The following AFF1 variants were observed in gnomAD, a reference collection of about 807,000 sequenced individuals.
AFF1 encodes the protein AF4/FMR2 family member 1.
Under a neutral mutation model 121.7 loss-of-function variants are expected in AFF1, and 48 were observed. The ratio of observed to expected loss-of-function variants is 0.39; its 90% confidence interval spans 0.31 to 0.50. AFF1 has a LOEUF of 0.50. Ranked by LOEUF, AFF1 falls within the 20% of genes least tolerant of loss-of-function variation. The pLI is 0.76. For synonymous variants in AFF1, 613 were observed against 563.0 expected (o/e 1.09, Z -1.26); for missense variants, 1,523 against 1,511.7 (o/e 1.01, Z -0.12).
intron 7 of AFF1, 82 bp downstream of exon 7, chr4:87,091,911 T>C (rs374606548): frequency 7.7e-6 from 8 of 1,044,046 alleles, no homozygotes; most frequent in Middle Eastern, 2.0e-4. Context: ...TAGTAAAAAA[T>C]GCCCCAGCAG....
intron 2 of AFF1, among the ~76,000 whole-genome samples, chr4:86,965,133 GA>G (rs1177197292): frequency 6.6e-6 from 1 of 152,188 alleles, no homozygotes; most frequent in Non-Finnish European, 1.5e-5. Context: ...GTGTTGCTGT[GA>G]AAGTCTGTAA....
At chr4:87,019,884 CG>C (rs34782951) in intron 2 of AFF1, among the ~76,000 whole-genome samples, 11 of 82,600 alleles carry the variant, frequency 1.3e-4, no homozygotes, top group African/African-American at 4.3e-4. Flanking sequence ...CTGAAGGGGT[CG>C]GGGGGGGGCA....
intron 1 of AFF1, chr4:86,936,175 C>T (rs1719976215): frequency 6.6e-6 from 1 of 152,196 alleles, no homozygotes; most frequent in Non-Finnish European, 1.5e-5. Flanking sequence ...GAACCAGTCT[C>T]TGTTAGGGGG....
chr4:87,099,099 A>G (rs1725164041), intron 8 of AFF1, among the ~76,000 whole-genome samples: 1 of 152,208 alleles, frequency 6.6e-6, no homozygotes, highest in Non-Finnish European at 1.5e-5. Context: ...TGCTTAGCCT[A>G]AGGAAATTAA....
At chr4:87,008,201 C>T (rs1726366566) in intron 2 of AFF1, among the ~76,000 whole-genome samples, 1 of 152,198 alleles carries the variant, frequency 6.6e-6, no homozygotes, top group African/African-American at 2.4e-5. Context: ...TATACATTCT[C>T]TTTCAACTGT....
chr4:87,079,713 G>T (rs1329022499), intron 4 of AFF1, among the ~76,000 whole-genome samples: 1 of 152,088 alleles, frequency 6.6e-6, no homozygotes. Context: ...CAGTCTCCTC[G>T]TTTTATTTTT....
chr4:87,007,965 G>T (rs1005750698), intron 2 of AFF1, among the ~76,000 whole-genome samples: 5 of 152,160 alleles, frequency 3.3e-5, no homozygotes, highest in Non-Finnish European at 7.3e-5. Flanking sequence ...GGAACGCGCC[G>T]GGGTGGTGAA....
chr4:87,114,479 C>T lies in AFF1; in HGVS notation c.1646C>T (p.Pro549Leu), dbSNP rs1225809218. The T allele has an allele frequency of 6.2e-7, 1 of 1,613,810 alleles. No homozygotes were observed. Among genetic ancestry groups the T allele is most frequent in the Admixed American group, 1.7e-5 (1 of 60,018 alleles). Residue 549 changes from proline (P) to leucine (L), a missense_variant, in exon 12 of 21, where the codon CCA becomes CTA. Coordinates refer to ENST00000395146, the MANE Select transcript of AFF1 (RefSeq NM_001166693.3). ...AGCACAGAGCCCCCACGGCGGCACC[C>T]AGAGAGTAAGGGCAGCAGCGACAGT... is the stretch of plus-strand genomic sequence containing the variant. Reference protein sequence around the residue: ...PRSTEPPRRHPESKGSSDSAT... With the variant: ...PRSTEPPRRHLESKGSSDSAT...
rs1437336249 is a variant in AFF1 at position 87,128,374 on chromosome 4, T to G, written c.2964+671T>G. Among the ~76,000 whole-genome samples, 4 of 152,240 alleles carry G rather than the reference T, an allele frequency of 2.6e-5. No individual in the cohort carries two copies. In the East Asian group the frequency reaches 7.7e-4, roughly 29 times the overall value. ...TTGTGTACATAATTATGCTTTTACATCACTACTGCAATAATGAGATAATGT... is the reference window on the plus strand; with the variant it reads ...TTGTGTACATAATTATGCTTTTACAGCACTACTGCAATAATGAGATAATGT... On this transcript the variant is annotated intron_variant, in intron 16 of 20. Transcript: ENST00000395146.
intron 4 of AFF1, 117 bp downstream of exon 4, chr4:87,047,711 A>C: frequency 7.4e-7 from 1 of 1,358,198 alleles, no homozygotes; most frequent in African/African-American, 1.4e-5. Flanking sequence ...GGTAGGGGGA[A>C]TTCTTTTTGG....
chr4:86,952,554 G>A (rs1721424932), intron 2 of AFF1, among the ~76,000 whole-genome samples: 1 of 151,998 alleles, frequency 6.6e-6, no homozygotes, highest in Non-Finnish European at 1.5e-5. Flanking sequence ...CACAGCATGT[G>A]TATACAACCT....
In AFF1 at chr4:87,047,573, G is replaced by A; in HGVS notation, c.1038G>A (p.Lys346=). The A allele has an allele frequency of 6.2e-7, 1 of 1,614,200 alleles. No individual in the cohort carries two copies. Among genetic ancestry groups the A allele is most frequent in the Non-Finnish European group, 8.5e-7 (1 of 1,180,034 alleles). The part of the protein sequence containing the change: ...VPAKAKLTKL[K]MPSQSVEQTY... Reference sequence around the variant, plus strand: ...CCAAAGCCAAGCTCACCAAACTGAAGATGCCTTCTCAGTCAGTTGAGGTGT... The same window carrying A: ...CCAAAGCCAAGCTCACCAAACTGAAAATGCCTTCTCAGTCAGTTGAGGTGT... The change falls in exon 4 of 21, where the codon AAG becomes AAA. Residue 346 remains lysine (K), a synonymous_variant. Coordinates refer to ENST00000395146, the MANE Select transcript of AFF1 (RefSeq NM_001166693.3).
At chr4:86,994,008 TTCAGGAAA>T (rs1724922094) in intron 2 of AFF1, among the ~76,000 whole-genome samples, 2 of 152,288 alleles carry the variant, frequency 1.3e-5, no homozygotes, top group African/African-American at 4.8e-5. Flanking sequence ...CAGATTCTGA[TTCAGGAAA>T]TCTGGGATGG....
chr4:87,138,126 G>A lies in AFF1; in HGVS notation c.*2425G>A, dbSNP rs1729445935. On this transcript the variant is annotated 3_prime_UTR_variant, in exon 21 of 21. Transcript: ENST00000395146. ...TCAATTTGTACTACTTTGGTCATTG[G>A]ATATTTCTGATCCTTATTGCATTGT... The A allele has an allele frequency of 4.3e-6, 1 of 231,346 alleles. No individual in the cohort carries two copies. 14.3% of individuals were successfully genotyped at this position (231,346 alleles called of 1,614,324 possible). A position where few individuals can be genotyped will look rare whatever the true frequency, so the allele number is the denominator to read the frequency against.
In AFF1 at chr4:87,069,951, G is replaced by T. The variant is rs575038404; in HGVS notation, c.1060-14169G>T. Among the ~76,000 whole-genome samples, 5 of 151,912 alleles carry T rather than the reference G, an allele frequency of 3.3e-5. No homozygotes were observed. In the East Asian group the frequency reaches 9.7e-4, roughly 30 times the overall value. On this transcript the variant is annotated intron_variant, in intron 4 of 20. Coordinates refer to ENST00000395146, the MANE Select transcript of AFF1 (RefSeq NM_001166693.3). ...TTCTCCTGCCTCAGCCTCCTGAGTAGCTGGGATTACAGGCGTGTGCCACAA... is the reference window on the plus strand; with the variant it reads ...TTCTCCTGCCTCAGCCTCCTGAGTATCTGGGATTACAGGCGTGTGCCACAA...
At chr4:87,014,241 G>C (rs745386782) in intron 2 of AFF1, among the ~76,000 whole-genome samples, 1 of 152,024 alleles carries the variant, frequency 6.6e-6, no homozygotes, top group African/African-American at 2.4e-5. Flanking sequence ...TTTTCCATGC[G>C]TTGTGGGCTC....
intron 13 of AFF1, 50 bp from the exon 14 acceptor site, chr4:87,126,049 C>T (rs374178859): frequency 1.3e-6 from 2 of 1,563,236 alleles, no homozygotes; most frequent in African/African-American, 2.7e-5. Flanking sequence ...AACGAAGCCG[C>T]TTGATGTGTA....
intron 2 of AFF1, among the ~76,000 whole-genome samples, chr4:87,035,908 G>A (rs1729519756): frequency 6.6e-6 from 1 of 152,206 alleles, no homozygotes; most frequent in Non-Finnish European, 1.5e-5. Context: ...TTTTGTGGCT[G>A]TCATGAGAGA....
At chr4:87,037,779 A>T (rs566896426) in intron 2 of AFF1, among the ~76,000 whole-genome samples, 6 of 152,234 alleles carry the variant, frequency 3.9e-5, no homozygotes, top group African/African-American at 1.4e-4. Context: ...GTCGTTCTCA[A>T]TTTAAAACTT....
Sources: gnomAD v4.1 joint callset for allele counts (sites outside exome capture counted in the v4.1 genomes callset) on GRCh38, gnomAD v4.1.1 for gene constraint, MANE v1.5 for transcripts, NCBI Gene and HGNC (gene_info 2026-07-23, HGNC 2026-07-21) for gene names.